Variants in MED18 observed in about 807,000 individuals in gnomAD.
MED18 encodes mediator of RNA polymerase II transcription subunit 18.
In MED18, 10 loss-of-function variants were observed where a neutral mutation model predicts 13.9. That is an observed-to-expected ratio of 0.72 (90% CI 0.44 to 1.22). The LOEUF (loss-of-function observed/expected upper bound fraction) is 1.22, where lower values mean the gene tolerates loss of function less well. Among genes scored for constraint, MED18 ranks in the 50% most tolerant of loss-of-function variants. MED18 has a pLI of 0.00. For missense variants in MED18, 216 were observed against 279.0 expected, an observed-to-expected ratio of 0.77 and a Z score of 1.61; for synonymous variants, 88 against 93.2, an observed-to-expected ratio of 0.94 and a Z score of 0.32.
Position 28,329,999 on chromosome 1 carries a change from G to A in MED18, c.-66-598G>A, listed in dbSNP as rs143296200. On this transcript the variant is annotated intron_variant, in intron 1 of 2. Coordinates refer to ENST00000373842, the MANE Select transcript of MED18 (RefSeq NM_017638.3). ...AATCACTGGCCTTTGGCCGGGCACGGTGGCTCACACCTGTAATGCCAGCAC... is the reference window on the plus strand; with the variant it reads ...AATCACTGGCCTTTGGCCGGGCACGATGGCTCACACCTGTAATGCCAGCAC... Among the ~76,000 whole-genome samples the A allele has an allele frequency of 3.1e-3, 468 of 152,160 alleles. 2 individuals carry two copies. Among genetic ancestry groups the A allele is most frequent in the African/African-American group, 0.01 (429 of 41,506 alleles).
At chr1:28,330,817 G>T in intron 2 of MED18, 82 bp downstream of exon 2, 1 of 1,098,482 alleles carries the variant, frequency 9.1e-7, no homozygotes, top group Non-Finnish European at 1.3e-6. Context: ...TAACACAAAA[G>T]CAGCCTGCAC....
chr1:28,330,512 G>A (rs1649683734), intron 1 of MED18, 85 bp from the exon 2 acceptor site: 1 of 548,236 alleles, frequency 1.8e-6, no homozygotes, highest in Non-Finnish European at 3.2e-6. Flanking sequence ...TTGAATGAAT[G>A]AATCTTTGAT....
Position 28,335,378 on chromosome 1 carries a change from A to C in MED18, c.*408A>C, listed in dbSNP as rs1165616112. On this transcript the variant is annotated 3_prime_UTR_variant, in exon 3 of 3. Transcript: ENST00000373842. ...TTAAATGTCCCATTTCACCATTGCC[A>C]GGCAGGCATTCTTCCTTCAGGGAGA... 5.3e-6 allele frequency: 1 copy of C among 187,660 alleles called. No individual in the cohort carries two copies. The highest frequency in any genetic ancestry group is 2.4e-5 in the African/African-American group (1 of 42,530). 11.6% of individuals were successfully genotyped at this position (187,660 alleles called of 1,614,324 possible).
Position 28,329,172 on chromosome 1 carries a change from C to A in MED18, c.-75C>A, listed in dbSNP as rs1228176531. Reference sequence around the variant, plus strand: ...CGGCTTCTCGAGAAGACACTACAGCCTCAAGGAGGTGTGCTTCTAGTGTTT... The same window carrying A: ...CGGCTTCTCGAGAAGACACTACAGCATCAAGGAGGTGTGCTTCTAGTGTTT... On this transcript the variant is annotated 5_prime_UTR_variant, in exon 1 of 3. Transcript: ENST00000373842. 1 of 152,150 alleles carries A rather than the reference C, an allele frequency of 6.6e-6. No individual in the cohort carries two copies. Among genetic ancestry groups the A allele is most frequent in the Non-Finnish European group, 1.5e-5 (1 of 68,058 alleles). 9.4% of individuals were successfully genotyped at this position (152,150 alleles called of 1,614,324 possible).
Position 28,334,770 on chromosome 1 carries a change from A to G in MED18, c.427A>G (p.Ile143Val), listed in dbSNP as rs745940494. 3 of 1,614,184 alleles carry G rather than the reference A, an allele frequency of 1.9e-6. No homozygotes were observed. In the South Asian group the frequency reaches 3.3e-5, roughly 18 times the overall value. The change falls in exon 3 of 3, where the codon ATT becomes GTT. Residue 143 changes from isoleucine (I) to valine (V), a missense_variant. Coordinates refer to ENST00000373842, the MANE Select transcript of MED18 (RefSeq NM_017638.3). ...TTTGTTCCGTAAGGGCATCATGAAG[A>G]TTATGGTGTACAAGATTTTCCGCAT... ...GHLFRKGIMK[I>V]MVYKIFRILV... is the part of the protein sequence containing the mutation.
Position 28,334,715 on chromosome 1 carries a change from C to T in MED18, c.372C>T (p.Arg124=), listed in dbSNP as rs1328427291. The change falls in exon 3 of 3, where the codon CGC becomes CGT. Residue 124 remains arginine, a synonymous_variant. Coordinates refer to ENST00000373842, the MANE Select transcript of MED18 (RefSeq NM_017638.3). The part of the protein sequence containing the change: ...LTDFLMEMGF[R]MDHEFVAKGH... ...ACTTCTTGATGGAAATGGGCTTCCG[C>T]ATGGACCATGAGTTTGTTGCTAAGG... 21 of 1,614,056 alleles carry T rather than the reference C, an allele frequency of 1.3e-5. No homozygotes were observed. Among genetic ancestry groups the T allele is most frequent in the Non-Finnish European group, 1.6e-5 (19 of 1,180,046 alleles).
At chr1:28,332,675 G>A (rs576639057) in intron 2 of MED18, among the ~76,000 whole-genome samples, 25 of 152,276 alleles carry the variant, frequency 1.6e-4, no homozygotes, top group African/African-American at 5.5e-4. Flanking sequence ...TTGGCAGGTA[G>A]CAGAGACCAT....
intron 2 of MED18, among the ~76,000 whole-genome samples, chr1:28,331,393 C>G (rs547776122): frequency 1.4e-4 from 21 of 151,750 alleles, no homozygotes; most frequent in Non-Finnish European, 2.1e-4. Context: ...GGCACAATAA[C>G]AGCTCACTGC....
At chr1:28,333,297 A>G (rs1249055137) in intron 2 of MED18, among the ~76,000 whole-genome samples, 2 of 152,180 alleles carry the variant, frequency 1.3e-5, no homozygotes, top group Non-Finnish European at 2.9e-5. Flanking sequence ...GGAAAAGAGT[A>G]TTGATACAGA....
intron 2 of MED18, 90 bp from the exon 3 acceptor site, chr1:28,334,327 T>A: frequency 7.2e-7 from 1 of 1,387,534 alleles, no homozygotes; most frequent in Non-Finnish European, 9.8e-7. Context: ...CTAAACTGTT[T>A]TGGTTTTTCA....
rs1009186677 is a variant in MED18, at chr1:28,335,942, A to G, written c.*972A>G. On this transcript the variant is annotated 3_prime_UTR_variant, in exon 3 of 3. Transcript: ENST00000373842. ...ATTAGAGGCTGTGAGCTTGTGTTAC[A>G]TGGTAATAAAGCCAATGAAGAGACA... The G allele has an allele frequency of 2.0e-5, 3 of 152,208 alleles. No homozygotes were observed. Among genetic ancestry groups the G allele is most frequent in the Non-Finnish European group, 2.9e-5 (2 of 68,034 alleles). 9.4% of individuals were successfully genotyped at this position (152,208 alleles called of 1,614,324 possible). A position where few individuals can be genotyped will look rare whatever the true frequency, so the allele number is the denominator to read the frequency against.
intron 2 of MED18, 131 bp from the exon 3 acceptor site, chr1:28,334,286 T>A: frequency 2.1e-6 from 2 of 955,382 alleles, no homozygotes; most frequent in Non-Finnish European, 3.2e-6. Flanking sequence ...TAAAATCTCA[T>A]GTTTGGCTGT....
At chr1:28,330,763 C>G in intron 2 of MED18, 28 bp downstream of exon 2, 1 of 1,546,142 alleles carries the variant, frequency 6.5e-7, no homozygotes, top group Non-Finnish European at 8.8e-7. Context: ...CTTGGATTAC[C>G]TGTTTTCCTC....
Position 28,334,778 on chromosome 1 carries a change from G to T in MED18, c.435G>T (p.Val145=), listed in dbSNP as rs928292963. The T allele has an allele frequency of 2.3e-5, 37 of 1,614,080 alleles. No individual in the cohort carries two copies. The highest frequency in any genetic ancestry group is 3.1e-5 in the Non-Finnish European group (37 of 1,180,050). ...LFRKGIMKIM[V]YKIFRILVPG... ...GTAAGGGCATCATGAAGATTATGGT[G>T]TACAAGATTTTCCGCATCCTGGTGC... Residue 145 remains valine (V), a synonymous_variant, in exon 3 of 3, where the codon GTG becomes GTT. Coordinates refer to ENST00000373842, the MANE Select transcript of MED18 (RefSeq NM_017638.3).
At chr1:28,331,011 T>C (rs1008872218) in intron 2 of MED18, among the ~76,000 whole-genome samples, 1 of 151,956 alleles carries the variant, frequency 6.6e-6, no homozygotes, top group Non-Finnish European at 1.5e-5. Context: ...GCTAACACAG[T>C]GAAACCCTGT....
intron 2 of MED18, among the ~76,000 whole-genome samples, chr1:28,332,408 TA>T (rs1017019265): frequency 1.7e-4 from 23 of 132,236 alleles, no homozygotes; most frequent in Admixed American, 2.3e-4. Flanking sequence ...AGACCCTACC[TA>T]AAAAAAAAAA....
At chr1:28,334,253 A>C in intron 2 of MED18, 164 bp from the exon 3 acceptor site, 2 of 794,284 alleles carry the variant, frequency 2.5e-6, no homozygotes, top group Non-Finnish European at 4.0e-6. Context: ...ACGTTATACA[A>C]TACCTTGGTA....
Position 28,335,032 on chromosome 1 carries a change from T to C in MED18, c.*62T>C. The C allele has an allele frequency of 6.8e-7, 1 of 1,461,696 alleles. No homozygotes were observed. Among genetic ancestry groups the C allele is most frequent in the Non-Finnish European group, 9.2e-7 (1 of 1,082,004 alleles). The allele number at this position is 1,461,696 out of a possible 1,614,324, so 90.5% of individuals were successfully genotyped here. On this transcript the variant is annotated 3_prime_UTR_variant, in exon 3 of 3. Coordinates refer to ENST00000373842, the MANE Select transcript of MED18 (RefSeq NM_017638.3). ...CTTGTTTGAAAAAATATGTTTGCTT[T>C]TTTTGGTTTTTGTTTTGTTTTGTTT...
rs1649896809 is a variant in MED18, at chr1:28,335,087, G to A, written c.*117G>A. 9.8e-7 allele frequency: 1 copy of A among 1,023,842 alleles called. No individual in the cohort carries two copies. Among genetic ancestry groups the A allele is most frequent in the South Asian group, 1.7e-5 (1 of 58,772 alleles). The allele number at this position is 1,023,842 out of a possible 1,614,324, so 63.4% of individuals were successfully genotyped here. A position where few individuals can be genotyped will look rare whatever the true frequency, so the allele number is the denominator to read the frequency against. Reference sequence around the variant, plus strand: ...GACAGAGTCTCGCTTTGTTTCCCAGGCTGGAGTGCAGTGGCACGATCTCGG... The same window carrying A: ...GACAGAGTCTCGCTTTGTTTCCCAGACTGGAGTGCAGTGGCACGATCTCGG... On this transcript the variant is annotated 3_prime_UTR_variant, in exon 3 of 3. Coordinates refer to ENST00000373842, the MANE Select transcript of MED18 (RefSeq NM_017638.3).
Sources: gnomAD v4.1 joint callset for allele counts (sites outside exome capture counted in the v4.1 genomes callset) on GRCh38, gnomAD v4.1.1 for gene constraint, MANE v1.5 for transcripts, NCBI Gene and HGNC (gene_info 2026-07-23, HGNC 2026-07-21) for gene names.